Variants in TAF1B observed in about 807,000 individuals in gnomAD.
TAF1B encodes the protein TATA box-binding protein-associated factor RNA polymerase I subunit B.
A neutral mutation model predicts 83.9 loss-of-function variants in TAF1B; 61 were observed. The ratio of observed to expected loss-of-function variants is 0.73; its 90% CI spans 0.59 to 0.90. The LOEUF is 0.90. Ranked by LOEUF, TAF1B falls within the 40% of genes least tolerant of loss-of-function variation. TAF1B has a pLI of 0.00. For missense variants in TAF1B, 625 were observed against 677.0 expected (o/e 0.92, Z 0.85); for synonymous variants, 221 against 224.6 (o/e 0.98, Z 0.14).
intron 5 of TAF1B, among the ~76,000 whole-genome samples, chr2:9,858,906 G>A (rs925983855): frequency 6.6e-6 from 1 of 152,184 alleles, no homozygotes; most frequent in South Asian, 2.1e-4. Context: ...GATGGGAGGG[G>A]CTGTCTCGAA....
chr2:9,892,909 T>A (rs1303785312), intron 8 of TAF1B, among the ~76,000 whole-genome samples: 1 of 152,224 alleles, frequency 6.6e-6, no homozygotes, highest in Non-Finnish European at 1.5e-5. Context: ...TTTCTTTGCA[T>A]CCTTGCCAAC....
intron 7 of TAF1B, among the ~76,000 whole-genome samples, chr2:9,876,268 A>G (rs1275387474): frequency 1.3e-5 from 2 of 152,262 alleles, no homozygotes; most frequent in Non-Finnish European, 2.9e-5. Context: ...TTAATTATCT[A>G]ATATAATCTT....
At chr2:9,888,522 C>A (rs1263890717) in intron 8 of TAF1B, among the ~76,000 whole-genome samples, 4 of 151,992 alleles carry the variant, frequency 2.6e-5, no homozygotes, top group Admixed American at 2.0e-4. Flanking sequence ...AAAGTCCTAA[C>A]TTTGCCTTAA....
chr2:9,855,428 C>T (rs995812663), intron 5 of TAF1B, among the ~76,000 whole-genome samples: 15 of 152,118 alleles, frequency 9.9e-5, no homozygotes, highest in African/African-American at 3.4e-4. Flanking sequence ...CCTGTAATCC[C>T]AACACTTTGA....
chr2:9,932,231 T>C (rs1344882617), intron 14 of TAF1B, among the ~76,000 whole-genome samples: 2 of 152,246 alleles, frequency 1.3e-5, no homozygotes, highest in African/African-American at 4.8e-5. Context: ...CTGCAATCCT[T>C]TGGAGGAGAA....
Position 9,914,194 on chromosome 2 carries a change from G to A in TAF1B, c.1271+945G>A, listed in dbSNP as rs185246231. 2.6e-5 allele frequency among the ~76,000 whole-genome samples: 4 copies of A among 152,288 alleles called. No individual in the cohort carries two copies. In the East Asian group the frequency reaches 7.7e-4, roughly 29 times the overall value. On this transcript the variant is annotated intron_variant, in intron 12 of 14. Coordinates refer to ENST00000263663, the MANE Select transcript of TAF1B (RefSeq NM_005680.3). This position sits in a 1 kb window ranked among gnomAD's most constrained non-coding sequence, Gnocchi z 4.3. ...ACTCTTGGGGTAGAAAAGGCACTGT[G>A]GAGATGATCCTTTCCATAGCAGGGA...
At chr2:9,933,136 C>T (rs1447541865) in intron 14 of TAF1B, among the ~76,000 whole-genome samples, 1 of 152,208 alleles carries the variant, frequency 6.6e-6, no homozygotes. Flanking sequence ...ATGCCCCGCC[C>T]TGCTTCGGCT....
chr2:9,892,247 A>C (rs1453649438), intron 8 of TAF1B, among the ~76,000 whole-genome samples: 1 of 152,206 alleles, frequency 6.6e-6, no homozygotes, highest in African/African-American at 2.4e-5. Flanking sequence ...GTAGTAGGCT[A>C]TCTCATATAG....
In TAF1B at chr2:9,843,534, G is replaced by C. The variant is rs1296866505; in HGVS notation, c.-8G>C. Reference sequence around the variant, plus strand: ...GGTCCCGGCTGTGGAAGCTCCCGCGGCGCCGCGATGGACCTCGAGGAGGCG... The same window carrying C: ...GGTCCCGGCTGTGGAAGCTCCCGCGCCGCCGCGATGGACCTCGAGGAGGCG... On this transcript the variant is annotated 5_prime_UTR_variant, in exon 1 of 15. Transcript: ENST00000263663. 6.6e-7 allele frequency: 1 copy of C among 1,524,030 alleles called. No homozygotes were observed. Among genetic ancestry groups the C allele is most frequent in the Admixed American group, 2.0e-5 (1 of 49,896 alleles). The allele number at this position is 1,524,030 out of a possible 1,614,324, so 94.4% of individuals were successfully genotyped here.
intron 14 of TAF1B, 57 bp from the exon 15 acceptor site, chr2:9,933,726 G>T: frequency 7.1e-7 from 1 of 1,412,206 alleles, no homozygotes; most frequent in East Asian, 2.3e-5. Flanking sequence ...AGGGGTTAGT[G>T]TGTGCATTTC....
rs901902088 is a variant in TAF1B, at chr2:9,845,295, A to G, written c.94A>G (p.Thr32Ala). Residue 32 changes from threonine to alanine, a missense_variant, in exon 2 of 15, where the codon ACT becomes GCT. Thr to Ala is a moderately conservative substitution (Grantham distance 58, BLOSUM62 0). Transcript: ENST00000263663. ...GLTDEGKYYC[T>A]SCHNVTERYQ... The stretch of plus-strand genomic sequence containing the variant: ...TACTGATGAAGGCAAATATTATTGC[A>G]CTTCTTGCCACAATGTTACAGAGGT... 1 of 1,613,662 alleles carries G rather than the reference A, an allele frequency of 6.2e-7. No homozygotes were observed. The highest frequency in any genetic ancestry group is 8.5e-7 in the Non-Finnish European group (1 of 1,179,678).
At chr2:9,925,039 T>TG (rs1244849281) in intron 14 of TAF1B, among the ~76,000 whole-genome samples, 1 of 152,154 alleles carries the variant, frequency 6.6e-6, no homozygotes, top group Non-Finnish European at 1.5e-5. Context: ...AGAGCAGTGG[T>TG]CTTTAGTTGT....
Position 9,914,260 on chromosome 2 carries a change from AATG to A in TAF1B, c.1271+1013_1271+1015del, listed in dbSNP as rs1210505800. On this transcript the variant is annotated intron_variant, in intron 12 of 14. Transcript: ENST00000263663. The surrounding 1 kb of genome is among the most constrained non-coding windows in gnomAD (Gnocchi z 4.3). ...CTCTCAGTAGGCAGGATTGATGCAC[AATG>A]AAGAAGAGGGGTGGAGGTGAATTTA... Among the ~76,000 whole-genome samples, 2 of 152,160 alleles carry A rather than the reference AATG, an allele frequency of 1.3e-5. No homozygotes were observed. Among genetic ancestry groups the A allele is most frequent in the Non-Finnish European group, 2.9e-5 (2 of 68,036 alleles).
intron 7 of TAF1B, among the ~76,000 whole-genome samples, chr2:9,877,484 C>T (rs189633294): frequency 1.3e-5 from 2 of 152,302 alleles, no homozygotes; most frequent in East Asian, 1.9e-4. Context: ...CAAAAACTCA[C>T]AGAACCATTC....
rs371475463 is a variant in TAF1B at position 9,916,837 on chromosome 2, C to CTTTTTTTTTTTTTTTTTTTTT, written c.1272-2186_1272-2185insTTTTTTTTTTTTTTTTTTTTT. Among the ~76,000 whole-genome samples the CTTTTTTTTTTTTTTTTTTTTT allele has an allele frequency of 1.4e-3, 136 of 95,704 alleles. 6 individuals are homozygous for CTTTTTTTTTTTTTTTTTTTTT. The highest frequency in any genetic ancestry group is 2.1e-3 in the Non-Finnish European group (94 of 44,392). 62.8% of individuals were successfully genotyped at this position (95,704 alleles called of 152,430 possible). A position where few individuals can be genotyped will look rare whatever the true frequency, so the allele number is the denominator to read the frequency against. On this transcript the variant is annotated intron_variant, in intron 12 of 14. Transcript: ENST00000263663. ...TGATTAGAAAAATTTCCTTTCTGTT[C>CTTTTTTTTTTTTTTTTTTTTT]TTTTTTTTTTTTTTTTTTGAGATGG...
chr2:9,854,226 A>C (rs1489605615), intron 4 of TAF1B, 100 bp from the exon 5 acceptor site: 3 of 796,244 alleles, frequency 3.8e-6, no homozygotes, highest in Non-Finnish European at 6.3e-6. Flanking sequence ...ATTTATATGT[A>C]AGTTAATATT....
chr2:9,889,480 CT>C (rs749874506), intron 8 of TAF1B, among the ~76,000 whole-genome samples: 52 of 151,858 alleles, frequency 3.4e-4, no homozygotes, highest in Admixed American at 7.9e-4. Flanking sequence ...TCATTATGTT[CT>C]TGTTTTCTTT....
intron 6 of TAF1B, among the ~76,000 whole-genome samples, chr2:9,875,244 G>A (rs1319716050): frequency 2.6e-5 from 4 of 152,126 alleles, no homozygotes; most frequent in Non-Finnish European, 4.4e-5. Flanking sequence ...GATTACAGGC[G>A]TGAGCCACTG....
At chr2:9,933,608 C>T (rs1666284153) in intron 14 of TAF1B, among the ~76,000 whole-genome samples, 175 bp from the exon 15 acceptor site, 1 of 152,138 alleles carries the variant, frequency 6.6e-6, no homozygotes, top group Non-Finnish European at 1.5e-5. Flanking sequence ...AACATGTTTT[C>T]CTTTGTGCAG....
Sources: allele counts gnomAD v4.1 joint callset (sites outside exome capture counted in the v4.1 genomes callset), GRCh38; gene constraint gnomAD v4.1.1; non-coding constraint Gnocchi (gnomAD v3.1); transcripts MANE v1.5; gene names NCBI Gene and HGNC (gene_info 2026-07-23, HGNC 2026-07-21).